TMEM45A: variants seen among roughly 807,000 people sequenced by gnomAD.
TMEM45A encodes DNA polymerase-transactivated protein 4.
A neutral mutation model predicts 32.0 loss-of-function variants in TMEM45A; 25 were observed. That is an observed-to-expected ratio of 0.78 (90% confidence interval 0.57 to 1.09). The LOEUF (loss-of-function observed/expected upper bound fraction) is 1.09. TMEM45A is among the 50% of genes least tolerant of loss of function. The probability of loss-of-function intolerance (pLI) is 0.00; values close to 1 mark genes in which losing one functional copy is unlikely to be tolerated. For missense variants in TMEM45A, 302 were observed against 325.0 expected, an observed-to-expected ratio of 0.93 and a Z score of 0.54; for synonymous variants, 122 against 114.8, an observed-to-expected ratio of 1.06 and a Z score of -0.40.
At chr3:100,573,755 T>G (rs1254907256) in intron 5 of TMEM45A, 1 of 152,240 alleles carries the variant, frequency 6.6e-6, no homozygotes, top group African/African-American at 2.4e-5. Flanking sequence ...ATAGCTTTTA[T>G]TATTTTGAGA....
intron 1 of TMEM45A, among the ~76,000 whole-genome samples, chr3:100,549,069 A>G (rs1706036502): frequency 6.6e-6 from 1 of 151,952 alleles, no homozygotes; most frequent in Non-Finnish European, 1.5e-5. Context: ...CCAACATGGT[A>G]AAACCCCATG....
At chr3:100,544,649 CAT>C (rs1705950091) in intron 1 of TMEM45A, among the ~76,000 whole-genome samples, 1 of 152,098 alleles carries the variant, frequency 6.6e-6, no homozygotes, top group Non-Finnish European at 1.5e-5. Context: ...TTTCATGTAA[CAT>C]AATGCTTTTG....
chr3:100,535,272 C>A (rs557420388), intron 1 of TMEM45A, among the ~76,000 whole-genome samples: 3 of 152,044 alleles, frequency 2.0e-5, no homozygotes, highest in Non-Finnish European at 4.4e-5. Context: ...AGGTACCATG[C>A]CTGGCTAATT....
intron 1 of TMEM45A, among the ~76,000 whole-genome samples, chr3:100,505,883 TG>T (rs577779936): frequency 5.3e-4 from 80 of 152,258 alleles, no homozygotes; most frequent in Non-Finnish European, 6.6e-4. Context: ...GGAACTCAAG[TG>T]CAATTCAGAC....
intron 1 of TMEM45A, among the ~76,000 whole-genome samples, chr3:100,517,419 C>T (rs1019952961): frequency 6.6e-6 from 1 of 152,224 alleles, no homozygotes; most frequent in Non-Finnish European, 1.5e-5. Flanking sequence ...GAACTTGATA[C>T]TTTCTGAAAA....
chr3:100,493,144 G>A (rs1233652433), intron 1 of TMEM45A, among the ~76,000 whole-genome samples: 1 of 80,228 alleles, frequency 1.2e-5, no homozygotes, highest in Admixed American at 1.4e-4. Context: ...TTTTTTTTTG[G>A]TGAGCTAGTT....
intron 5 of TMEM45A, chr3:100,573,843 A>T (rs1706624662): frequency 6.6e-6 from 1 of 152,210 alleles, no homozygotes; most frequent in African/African-American, 2.4e-5. Context: ...CCTTTTCTGC[A>T]TCTATTGAGA....
At chr3:100,533,828 A>G (rs1224319509) in intron 1 of TMEM45A, among the ~76,000 whole-genome samples, 1 of 152,208 alleles carries the variant, frequency 6.6e-6, no homozygotes, top group Admixed American at 6.5e-5. Flanking sequence ...TGATATTGTC[A>G]TTCTCATTTT....
chr3:100,547,739 T>C (rs1429091460), intron 1 of TMEM45A, among the ~76,000 whole-genome samples: 1 of 152,170 alleles, frequency 6.6e-6, no homozygotes, highest in Non-Finnish European at 1.5e-5. Context: ...AACAGATGTA[T>C]GTATGTAAAG....
intron 1 of TMEM45A, among the ~76,000 whole-genome samples, chr3:100,537,360 G>A (rs1576277310): frequency 1.3e-5 from 2 of 152,334 alleles, no homozygotes; most frequent in Non-Finnish European, 2.9e-5. Context: ...ACACCTGTGA[G>A]CTTTGGGAAC....
intron 1 of TMEM45A, among the ~76,000 whole-genome samples, chr3:100,535,544 A>G (rs1261852111): frequency 6.6e-6 from 1 of 152,058 alleles, no homozygotes; most frequent in Non-Finnish European, 1.5e-5. Flanking sequence ...TCCCTGCCCT[A>G]CTTCCAGTAT....
At chr3:100,541,498 G>A (rs1319530744) in intron 1 of TMEM45A, among the ~76,000 whole-genome samples, 1 of 123,480 alleles carries the variant, frequency 8.1e-6, no homozygotes, top group African/African-American at 2.9e-5. Context: ...TGAGTCAATT[G>A]TTTTCTTTTT....
At position 100,575,363 on chromosome 3, in the gene TMEM45A, C is replaced by CTTATT. The variant is rs1706660705; in HGVS notation, c.735-1560_735-1559insATTTT. ...TGCTTCCCCCAGGCCTATGGATTCT[C>CTTATT]TTTTTTTTTTTTTTTTTTTTTTTTT... On this transcript the variant is annotated intron_variant, in intron 5 of 5. Transcript: ENST00000323523. Among the ~76,000 whole-genome samples, 8 of 62,708 alleles carry CTTATT rather than the reference C, an allele frequency of 1.3e-4. 1 individual carries two copies. The highest frequency in any genetic ancestry group is 4.3e-4 in the African/African-American group (8 of 18,586). The allele number at this position is 62,708 out of a possible 152,430, so 41.1% of individuals were successfully genotyped here.
At chr3:100,549,408 T>C (rs2148975089) in intron 1 of TMEM45A, among the ~76,000 whole-genome samples, 1 of 152,326 alleles carries the variant, frequency 6.6e-6, no homozygotes, top group South Asian at 2.1e-4. Flanking sequence ...TCTGTCTCCA[T>C]GGCCTGCAAG....
intron 1 of TMEM45A, among the ~76,000 whole-genome samples, chr3:100,496,855 C>A (rs1399385091): frequency 6.6e-6 from 1 of 152,186 alleles, no homozygotes; most frequent in Non-Finnish European, 1.5e-5. Flanking sequence ...AATAGAGAGA[C>A]TATGAAATGT....
At chr3:100,567,518 C>CAAAAAAA (rs780009246) in intron 4 of TMEM45A, among the ~76,000 whole-genome samples, 1,240 of 63,414 alleles carry the variant, frequency 0.02, 101 homozygotes, top group Non-Finnish European at 0.029. Flanking sequence ...ACCATTTCTG[C>CAAAAAAA]AAAAAAAAAA....
At chr3:100,495,425 G>A (rs1260776974) in intron 1 of TMEM45A, among the ~76,000 whole-genome samples, 2 of 152,296 alleles carry the variant, frequency 1.3e-5, no homozygotes, top group Non-Finnish European at 2.9e-5. Context: ...AAAGTGAGGA[G>A]CTATCCTGTG....
intron 1 of TMEM45A, among the ~76,000 whole-genome samples, chr3:100,520,203 A>G (rs1476076416): frequency 1.3e-5 from 2 of 152,202 alleles, no homozygotes. Context: ...AAAAGAGGGT[A>G]GGGTATTGAG....
At chr3:100,543,106 A>T (rs1191027734) in intron 1 of TMEM45A, among the ~76,000 whole-genome samples, 1 of 152,198 alleles carries the variant, frequency 6.6e-6, no homozygotes, top group African/African-American at 2.4e-5. Flanking sequence ...CTGTTTTGCA[A>T]TTTGCATTTC....
Sources: gnomAD v4.1 joint callset for allele counts (sites outside exome capture counted in the v4.1 genomes callset) on GRCh38, gnomAD v4.1.1 for gene constraint, MANE v1.5 for transcripts, NCBI Gene and HGNC (gene_info 2026-07-23, HGNC 2026-07-21) for gene names.